PARD3B: variants seen among roughly 807,000 people sequenced by gnomAD.
The protein encoded by PARD3B is partitioning defective 3 homolog B.
In PARD3B, 103 loss-of-function variants were observed where a neutral mutation model predicts 130.2. The ratio of observed to expected loss-of-function variants is 0.79; its 90% CI spans 0.67 to 0.93. The LOEUF is 0.93. Ranked by LOEUF, PARD3B falls within the 40% of genes least tolerant of loss-of-function variation. The pLI is 0.00. For missense variants in PARD3B, 1,609 were observed against 1,499.2 expected, an observed-to-expected ratio of 1.07 and a Z score of -1.21; for synonymous variants, 583 against 553.2, an observed-to-expected ratio of 1.05 and a Z score of -0.76.
At position 205,146,641 on chromosome 2, in the gene PARD3B, A is replaced by C. The variant is rs1254232975; in HGVS notation, c.1435-12081A>C. On this transcript the variant is annotated intron_variant, in intron 10 of 22. Coordinates refer to ENST00000406610, the MANE Select transcript of PARD3B (RefSeq NM_001302769.2). This position sits in a 1 kb window ranked among gnomAD's most constrained non-coding sequence, Gnocchi z 4.3. ...ACTCCAGCCTGGGCGACAGAGCGAG[A>C]CTCCGCCTCAAAAAAAAAAATTGTT... Among the ~76,000 whole-genome samples, 1 of 150,840 alleles carries C rather than the reference A, an allele frequency of 6.6e-6. No individual in the cohort carries two copies. Among genetic ancestry groups the C allele is most frequent in the African/African-American group, 2.4e-5 (1 of 40,984 alleles).
rs2040859175 is a variant in PARD3B at position 205,274,426 on chromosome 2, AC to A, written c.2186-26103del. The stretch of plus-strand genomic sequence containing the variant: ...CTTATATTGCAGTGACTTTAATATT[AC>A]TGAGGAAGAAACCTGTAGTAATCTT... On this transcript the variant is annotated intron_variant, in intron 16 of 22. Transcript: ENST00000406610. The surrounding 1 kb of genome is among the most constrained non-coding windows in gnomAD (Gnocchi z 4.2). Among the ~76,000 whole-genome samples the A allele has an allele frequency of 6.6e-6, 1 of 152,048 alleles. No homozygotes were observed. The highest frequency in any genetic ancestry group is 2.1e-4 in the South Asian group (1 of 4,824).
At chr2:205,184,744 AAATAAT>A (rs960696876) in intron 13 of PARD3B, among the ~76,000 whole-genome samples, 3 of 151,652 alleles carry the variant, frequency 2.0e-5, no homozygotes, top group Non-Finnish European at 4.4e-5. Context: ...TCCATCTCAA[AAATAAT>A]AATAATAATA....
In PARD3B at chr2:204,677,154, T is replaced by G. The variant is rs1331947037; in HGVS notation, c.121-9027T>G. Among the ~76,000 whole-genome samples, 1 of 152,346 alleles carries G rather than the reference T, an allele frequency of 6.6e-6. No individual in the cohort carries two copies. Among genetic ancestry groups the G allele is most frequent in the East Asian group, 1.9e-4 (1 of 5,176 alleles). ...TACCTCTGTTGTCTCAGTTCTCATG[T>G]ACTTATTTACGGAGGTCTAAGTGTT... is the stretch of plus-strand genomic sequence containing the variant. On this transcript the variant is annotated intron_variant, in intron 1 of 22. Coordinates refer to ENST00000406610, the MANE Select transcript of PARD3B (RefSeq NM_001302769.2). This position sits in a 1 kb window ranked among gnomAD's most constrained non-coding sequence, Gnocchi z 4.1.
At chr2:205,144,250 C>A (rs994722860) in intron 10 of PARD3B, among the ~76,000 whole-genome samples, 1 of 152,182 alleles carries the variant, frequency 6.6e-6, no homozygotes. Context: ...ATATGTGGAG[C>A]AGACGTATAC....
intron 3 of PARD3B, among the ~76,000 whole-genome samples, chr2:205,033,937 C>T (rs939594138): frequency 2.0e-5 from 3 of 152,070 alleles, no homozygotes; most frequent in Admixed American, 6.6e-5. Context: ...TGTTTAGCAT[C>T]GTTGTTGGTG....
chr2:204,639,625 A>G lies in PARD3B; in HGVS notation c.121-46556A>G, dbSNP rs576741078. ...ATTTTGTATTATAAGTAATCTAGAG[A>G]TGATTTAAAACTATAGGGGAAGATG... On this transcript the variant is annotated intron_variant, in intron 1 of 22. Coordinates refer to ENST00000406610, the MANE Select transcript of PARD3B (RefSeq NM_001302769.2). Among the ~76,000 whole-genome samples the G allele has an allele frequency of 2.9e-3, 444 of 152,292 alleles. 1 individual carries two copies. Among genetic ancestry groups the G allele is most frequent in the African/African-American group, 9.5e-3 (395 of 41,562 alleles).
chr2:205,450,926 C>A (rs2048079259), intron 20 of PARD3B, among the ~76,000 whole-genome samples: 1 of 152,194 alleles, frequency 6.6e-6, no homozygotes, highest in Admixed American at 6.5e-5. Context: ...CAATATCCTA[C>A]CATGTCACTT....
At chr2:205,539,543 ACT>A (rs2052026646) in intron 21 of PARD3B, among the ~76,000 whole-genome samples, 1 of 152,008 alleles carries the variant, frequency 6.6e-6, no homozygotes, top group Non-Finnish European at 1.5e-5. Flanking sequence ...ATTGCTGGTC[ACT>A]CTATCCTTTC....
At chr2:205,132,321 T>G (rs2032076580) in intron 10 of PARD3B, among the ~76,000 whole-genome samples, 1 of 152,202 alleles carries the variant, frequency 6.6e-6, no homozygotes. Flanking sequence ...GTGATATTAT[T>G]ACTTGTTGCA....
At chr2:205,039,986 CAG>C (rs1698280004) in intron 3 of PARD3B, among the ~76,000 whole-genome samples, 3 of 152,174 alleles carry the variant, frequency 2.0e-5, no homozygotes, top group South Asian at 2.1e-4. Flanking sequence ...GTTTTTGAGA[CAG>C]AGTCTCGCTC....
chr2:205,400,975 G>T, intron 18 of PARD3B, 38 bp from the exon 19 acceptor site: 1 of 1,448,254 alleles, frequency 6.9e-7, no homozygotes. Context: ...AAAACAATGT[G>T]ATTATTGTTA....
intron 3 of PARD3B, among the ~76,000 whole-genome samples, chr2:205,019,734 G>A (rs150457963): frequency 6.2e-4 from 95 of 152,208 alleles, no homozygotes; most frequent in Middle Eastern, 6.8e-3. Flanking sequence ...AAGGTAGAAT[G>A]GATGGTTTTT....
At chr2:205,389,792 G>C (rs879774016) in intron 18 of PARD3B, among the ~76,000 whole-genome samples, 1 of 152,178 alleles carries the variant, frequency 6.6e-6, no homozygotes, top group African/African-American at 2.4e-5. Flanking sequence ...ACTCTGGAAT[G>C]AAAGGTCTAA....
chr2:205,077,607 C>T lies in PARD3B; in HGVS notation c.505-26819C>T, dbSNP rs1216736420. Among the ~76,000 whole-genome samples the T allele has an allele frequency of 3.3e-5, 5 of 152,182 alleles. No homozygotes were observed. The East Asian group carries it at 7.7e-4, about 24-fold the overall frequency. On this transcript the variant is annotated intron_variant, in intron 4 of 22. Coordinates refer to ENST00000406610, the MANE Select transcript of PARD3B (RefSeq NM_001302769.2). Reference sequence around the variant, plus strand: ...AAAATGCAGAGCCTTCTGTACCCCTCCAAATCTTATTTTTAATGAAATATT... The same window carrying T: ...AAAATGCAGAGCCTTCTGTACCCCTTCAAATCTTATTTTTAATGAAATATT...
chr2:205,040,254 G>A (rs545922107), intron 3 of PARD3B, among the ~76,000 whole-genome samples: 12 of 152,270 alleles, frequency 7.9e-5, no homozygotes, highest in African/African-American at 1.4e-4. Context: ...AAGCCACCAC[G>A]CCCGGCTACT....
chr2:204,735,852 C>T (rs1346009439), intron 2 of PARD3B, among the ~76,000 whole-genome samples: 6 of 152,316 alleles, frequency 3.9e-5, no homozygotes, highest in Non-Finnish European at 5.9e-5. Context: ...GAATAATTCA[C>T]ATCCGCATAA....
chr2:204,587,178 A>G (rs2032862615), intron 1 of PARD3B, among the ~76,000 whole-genome samples: 1 of 152,156 alleles, frequency 6.6e-6, no homozygotes, highest in Non-Finnish European at 1.5e-5. Flanking sequence ...TGCCAGTGAG[A>G]CAGAGAAGAT....
intron 4 of PARD3B, among the ~76,000 whole-genome samples, chr2:205,079,812 G>A (rs563468719): frequency 6.6e-6 from 1 of 152,098 alleles, no homozygotes; most frequent in Admixed American, 6.6e-5. Context: ...AAAAATTAAT[G>A]TGCTTAAGAG....
At chr2:204,876,972 T>C (rs1367567310) in intron 2 of PARD3B, among the ~76,000 whole-genome samples, 1 of 152,164 alleles carries the variant, frequency 6.6e-6, no homozygotes, top group Non-Finnish European at 1.5e-5. Flanking sequence ...GAAAATACAG[T>C]ACTCTAGATC....
Sources: gnomAD v4.1 joint callset for allele counts (sites outside exome capture counted in the v4.1 genomes callset) on GRCh38, gnomAD v4.1.1 for gene constraint, Gnocchi (gnomAD v3.1) non-coding constraint, MANE v1.5 for transcripts, NCBI Gene and HGNC (gene_info 2026-07-23, HGNC 2026-07-21) for gene names.